The following FMN2 variants were observed in gnomAD, a reference collection of about 807,000 sequenced individuals.
The protein encoded by FMN2 is formin 2.
FMN2 carries 51 observed loss-of-function variants against 142.3 expected under a neutral mutation model. That is an observed-to-expected ratio of 0.36 (90% CI 0.29 to 0.45). The LOEUF (loss-of-function observed/expected upper bound fraction) is 0.45, where lower values mean the gene tolerates loss of function less well. FMN2 is among the 20% of genes least tolerant of loss of function. The probability of loss-of-function intolerance (pLI) is 1.00; values close to 1 mark genes in which losing one functional copy is unlikely to be tolerated. For synonymous variants in FMN2, 882 were observed against 869.8 expected (o/e 1.01, Z -0.25); for missense variants, 1,936 against 2,122.8 (o/e 0.91, Z 1.73).
chr1:240,462,584 AT>A lies in FMN2; in HGVS notation c.5061-9782del, dbSNP rs1403418252. Among the ~76,000 whole-genome samples the A allele has an allele frequency of 3.9e-5, 6 of 152,192 alleles. No homozygotes were observed. The East Asian group carries it at 1.2e-3, about 29-fold the overall frequency. ...TTGTTTACCAGAATTTATCTCTGTG[AT>A]TTTTTAAGCTTAATCGTCGTTTTAC... is the stretch of plus-strand genomic sequence containing the variant. On this transcript the variant is annotated intron_variant, in intron 16 of 17. Coordinates refer to ENST00000319653, the MANE Select transcript of FMN2 (RefSeq NM_020066.5).
At chr1:240,197,013 CT>C (rs1665936677) in intron 4 of FMN2, among the ~76,000 whole-genome samples, 1 of 152,106 alleles carries the variant, frequency 6.6e-6, no homozygotes, top group Admixed American at 6.6e-5. Context: ...GGTTAAGTGT[CT>C]TTTTATATGC....
chr1:240,272,311 C>A (rs1295861746), intron 7 of FMN2, among the ~76,000 whole-genome samples: 1 of 152,082 alleles, frequency 6.6e-6, no homozygotes, highest in East Asian at 1.9e-4. Context: ...TAGTGTGAGC[C>A]CATAATTAAT....
At chr1:240,453,995 C>CA (rs529425273) in intron 16 of FMN2, among the ~76,000 whole-genome samples, 904 of 7,244 alleles carry the variant, frequency 0.12, 243 homozygotes, top group Non-Finnish European at 0.18. Flanking sequence ...GACTCTGCCT[C>CA]AAAAAAAAAA....
At position 240,095,107 on chromosome 1, in the gene FMN2, CAAAT is replaced by C. The variant is rs549083985; in HGVS notation, c.1615+1387_1615+1390del. On this transcript the variant is annotated intron_variant, in intron 1 of 17. Coordinates refer to ENST00000319653, the MANE Select transcript of FMN2 (RefSeq NM_020066.5). The stretch of plus-strand genomic sequence containing the variant: ...AAAAAAACAAAAACAAAATGCAAAA[CAAAT>C]AAAAAAGAAAGATCACTTTTGATAG... Among the ~76,000 whole-genome samples the C allele has an allele frequency of 2.6e-3, 395 of 151,806 alleles. 2 individuals are homozygous for C. Among genetic ancestry groups the C allele is most frequent in the African/African-American group, 9.1e-3 (377 of 41,358 alleles).
intron 3 of FMN2, among the ~76,000 whole-genome samples, chr1:240,182,295 C>A (rs934783714): frequency 3.3e-5 from 5 of 152,162 alleles, no homozygotes; most frequent in Admixed American, 3.3e-4. Flanking sequence ...ATTGTCGTTT[C>A]CTCTGTGGAA....
At chr1:240,322,751 C>T (rs1017611465) in intron 8 of FMN2, among the ~76,000 whole-genome samples, 8 of 152,100 alleles carry the variant, frequency 5.3e-5, no homozygotes, top group African/African-American at 1.2e-4. Context: ...ACTGTTGTTC[C>T]GTGTCACCAT....
rs1676912999 is a variant in FMN2, at chr1:240,474,540, C to A, written c.*386C>A. The A allele has an allele frequency of 5.9e-6, 1 of 169,140 alleles. No homozygotes were observed. Among genetic ancestry groups the A allele is most frequent in the African/African-American group, 2.4e-5 (1 of 42,218 alleles). 10.5% of individuals were successfully genotyped at this position (169,140 alleles called of 1,614,324 possible). On this transcript the variant is annotated 3_prime_UTR_variant, in exon 18 of 18. Transcript: ENST00000319653. Reference sequence around the variant, plus strand: ...TTCCTTTCTACTGACAACCAGTCCTCCACATCACAGCATTTAGACATATGG... The same window carrying A: ...TTCCTTTCTACTGACAACCAGTCCTACACATCACAGCATTTAGACATATGG...
At chr1:240,176,607 A>G (rs1664925508) in intron 2 of FMN2, among the ~76,000 whole-genome samples, 1 of 152,212 alleles carries the variant, frequency 6.6e-6, no homozygotes, top group Non-Finnish European at 1.5e-5. Flanking sequence ...CTTACATTGA[A>G]TTCCTTCAGG....
chr1:240,382,048 T>C (rs1673242767), intron 14 of FMN2, among the ~76,000 whole-genome samples: 1 of 152,198 alleles, frequency 6.6e-6, no homozygotes, highest in Admixed American at 6.5e-5. Flanking sequence ...TCCTCACTGA[T>C]GACATGATCT....
chr1:240,092,593 G>A lies in FMN2; in HGVS notation c.484G>A (p.Asp162Asn). 1 of 1,613,984 alleles carries A rather than the reference G, an allele frequency of 6.2e-7. No individual in the cohort carries two copies. The highest frequency in any genetic ancestry group is 8.5e-7 in the Non-Finnish European group (1 of 1,179,996). The change falls in exon 1 of 18, where the codon GAT becomes AAT. Residue 162 changes from aspartate to asparagine, a missense_variant. Around this residue, in one of 8 missense-constraint regions of FMN2, gnomAD observed 751 missense variants for 791.8 expected, o/e 0.95. Transcript: ENST00000319653. ...ARVGGRPIAEDVETAAGAQDG... is the reference protein window; with the variant it reads ...ARVGGRPIAENVETAAGAQDG... Reference sequence around the variant, plus strand: ...GGTCGGGGGCCGGCCGATCGCCGAGGATGTGGAAACTGCAGCAGGGGCGCA... The same window carrying A: ...GGTCGGGGGCCGGCCGATCGCCGAGAATGTGGAAACTGCAGCAGGGGCGCA...
chr1:240,119,262 G>A (rs983157480), intron 1 of FMN2, among the ~76,000 whole-genome samples: 34 of 151,250 alleles, frequency 2.2e-4, no homozygotes, highest in African/African-American at 7.3e-4. Context: ...CTGGGAGGCG[G>A]AGGTTGCAGT....
At position 240,473,747 on chromosome 1, in the gene FMN2, A is replaced by G. The variant is rs1676885503; in HGVS notation, c.5143-381A>G. 1.3e-5 allele frequency among the ~76,000 whole-genome samples: 2 copies of G among 152,178 alleles called. No individual in the cohort carries two copies. The highest frequency in any genetic ancestry group is 2.1e-4 in the South Asian group (1 of 4,832). On this transcript the variant is annotated intron_variant, in intron 17 of 17. Transcript: ENST00000319653. The surrounding 1 kb of genome is among the most constrained non-coding windows in gnomAD (Gnocchi z 4.3). Reference sequence around the variant, plus strand: ...AATAGTTACTTATTAGTGAACCTCAATCTTGCTATTATGAGTACAGAAGAT... The same window carrying G: ...AATAGTTACTTATTAGTGAACCTCAGTCTTGCTATTATGAGTACAGAAGAT...
chr1:240,192,877 G>A (rs1017019399), intron 4 of FMN2, among the ~76,000 whole-genome samples: 3 of 151,448 alleles, frequency 2.0e-5, no homozygotes, highest in Non-Finnish European at 4.4e-5. Context: ...TTTTTATTCT[G>A]TAGAAACTCC....
At chr1:240,417,547 C>T (rs1429950641) in intron 15 of FMN2, among the ~76,000 whole-genome samples, 1 of 152,004 alleles carries the variant, frequency 6.6e-6, no homozygotes. Context: ...TTGGTGTCAT[C>T]TGTTTGCCCA....
rs148134087 is a variant in FMN2 at position 240,460,568 on chromosome 1, C to T, written c.5061-11804C>T. 8.9e-4 allele frequency among the ~76,000 whole-genome samples: 135 copies of T among 152,102 alleles called. 3 individuals carry two copies. The East Asian group carries it at 0.024, about 27-fold the overall frequency. On this transcript the variant is annotated intron_variant, in intron 16 of 17. Transcript: ENST00000319653. ...CTCCTGCCTGGGTGACAGAGCAAAA[C>T]TCTGTCTCAAAAAACAGAAAAGACT... is the stretch of plus-strand genomic sequence containing the variant.
intron 10 of FMN2, among the ~76,000 whole-genome samples, 175 bp downstream of exon 10, chr1:240,329,643 C>T (rs558916364): frequency 1.4e-3 from 209 of 152,264 alleles, no homozygotes; most frequent in Admixed American, 2.9e-3. Context: ...AGTAAATGTT[C>T]CGGCGGGCGC....
chr1:240,189,948 T>TA (rs544659995), intron 4 of FMN2, among the ~76,000 whole-genome samples: 143 of 152,312 alleles, frequency 9.4e-4, no homozygotes, highest in African/African-American at 3.4e-3. Context: ...TCTAAATTCT[T>TA]ATGTTCAGGA....
At chr1:240,219,792 C>T (rs1227608107) in intron 6 of FMN2, among the ~76,000 whole-genome samples, 1 of 151,874 alleles carries the variant, frequency 6.6e-6, no homozygotes, top group African/African-American at 2.4e-5. Context: ...GTAGCTGGGA[C>T]TCTAGGTGTG....
intron 15 of FMN2, among the ~76,000 whole-genome samples, chr1:240,430,783 A>T (rs1675142947): frequency 6.6e-6 from 1 of 151,672 alleles, no homozygotes. Context: ...AAAAATTCAG[A>T]TGACCTTGTA....
Sources: allele counts gnomAD v4.1 joint callset (sites outside exome capture counted in the v4.1 genomes callset), GRCh38; gene constraint gnomAD v4.1.1; regional missense constraint gnomAD v4.1.1; non-coding constraint Gnocchi (gnomAD v3.1); transcripts MANE v1.5; gene names NCBI Gene and HGNC (gene_info 2026-07-23, HGNC 2026-07-21).